Variants in RARS2 observed in about 807,000 individuals in gnomAD.
RARS2 encodes probable arginine--tRNA ligase, mitochondrial.
RARS2 carries 67 observed loss-of-function variants against 88.5 expected under a neutral mutation model. The observed-to-expected ratio is 0.76, with a 90% CI of 0.62 to 0.93. The LOEUF is 0.93. Ranked by LOEUF, RARS2 falls within the 40% of genes least tolerant of loss-of-function variation. The probability of loss-of-function intolerance (pLI) is 0.00; values close to 1 mark genes in which losing one functional copy is unlikely to be tolerated. For synonymous variants in RARS2, 239 were observed against 230.3 expected, an observed-to-expected ratio of 1.04 and a Z score of -0.34; for missense variants, 664 against 684.2, an observed-to-expected ratio of 0.97 and a Z score of 0.33.
intron 8 of RARS2, among the ~76,000 whole-genome samples, chr6:87,532,623 G>C (rs2128071614): frequency 6.6e-6 from 1 of 152,276 alleles, no homozygotes; most frequent in African/African-American, 2.4e-5. Flanking sequence ...GTTTCCTCTG[G>C]ACTTTACCCC....
At position 87,518,686 on chromosome 6, in the gene RARS2, G is replaced by C; in HGVS notation, c.1359C>G (p.Phe453Leu). Reference sequence around the variant, plus strand: ...AGACTCCTGTGTCCCCGCGACTCTGGAAAACACGATCCCAGCTGAACTTGT... The same window carrying C: ...AGACTCCTGTGTCCCCGCGACTCTGCAAAACACGATCCCAGCTGAACTTGT... ...SDYKFSWDRVFQSRGDTGVFL... is the reference protein window; with the variant it reads ...SDYKFSWDRVLQSRGDTGVFL... The change falls in exon 16 of 20, where the codon TTC becomes TTG. Residue 453 changes from phenylalanine to leucine, a missense_variant. Coordinates refer to ENST00000369536, the MANE Select transcript of RARS2 (RefSeq NM_020320.5). 6.2e-7 allele frequency: 1 copy of C among 1,614,044 alleles called. No homozygotes were observed. Among genetic ancestry groups the C allele is most frequent in the Non-Finnish European group, 8.5e-7 (1 of 1,179,972 alleles).
chr6:87,588,652 G>C (rs1036374672), intron 1 of RARS2, among the ~76,000 whole-genome samples: 4 of 152,314 alleles, frequency 2.6e-5, no homozygotes, highest in African/African-American at 9.6e-5. Context: ...TGGGATTATA[G>C]GCATGAACCA....
intron 19 of RARS2, 124 bp from the exon 20 acceptor site, chr6:87,514,623 G>T: frequency 1.2e-6 from 1 of 850,652 alleles, no homozygotes; most frequent in Non-Finnish European, 2.0e-6. Flanking sequence ...AAGTGCCCTA[G>T]AGTTACTATA....
At chr6:87,563,956 G>A (rs1729431224) in intron 3 of RARS2, among the ~76,000 whole-genome samples, 174 bp downstream of exon 3, 1 of 152,070 alleles carries the variant, frequency 6.6e-6, no homozygotes, top group Non-Finnish European at 1.5e-5. Flanking sequence ...TAACTAATCT[G>A]AAAAATCATT....
chr6:87,573,822 A>G (rs1367253054), intron 1 of RARS2, among the ~76,000 whole-genome samples: 1 of 152,220 alleles, frequency 6.6e-6, no homozygotes, highest in Non-Finnish European at 1.5e-5. Context: ...GTAAACAGGT[A>G]GGTAGGTTGG....
At chr6:87,587,639 TGTGGA>T (rs1775570482) in intron 1 of RARS2, among the ~76,000 whole-genome samples, 1 of 152,212 alleles carries the variant, frequency 6.6e-6, no homozygotes, top group Non-Finnish European at 1.5e-5. Context: ...ATTTAATCTC[TGTGGA>T]TCTCAACTGA....
At chr6:87,560,748 G>A (rs923321926) in intron 4 of RARS2, among the ~76,000 whole-genome samples, 3 of 152,160 alleles carry the variant, frequency 2.0e-5, no homozygotes, top group Non-Finnish European at 2.9e-5. Flanking sequence ...TTAGCTGGGC[G>A]CGGTGGTGCA....
intron 9 of RARS2, 87 bp downstream of exon 9, chr6:87,530,697 C>G: frequency 6.6e-7 from 1 of 1,523,972 alleles, no homozygotes; most frequent in South Asian, 1.1e-5. Context: ...TTTTAAAACA[C>G]AAGCTTAACA....
At chr6:87,530,547 T>C (rs1477995256) in intron 9 of RARS2, among the ~76,000 whole-genome samples, 1 of 151,968 alleles carries the variant, frequency 6.6e-6, no homozygotes, top group Non-Finnish European at 1.5e-5. Context: ...TATGAAAAAG[T>C]GAAGGAATGC....
intron 1 of RARS2, among the ~76,000 whole-genome samples, chr6:87,574,345 T>C (rs1324961133): frequency 6.6e-6 from 1 of 152,162 alleles, no homozygotes; most frequent in African/African-American, 2.4e-5. Context: ...CAGGTCACCA[T>C]GACCTACTAG....
At chr6:87,516,189 T>TCA (rs1332753838) in intron 18 of RARS2, among the ~76,000 whole-genome samples, 1 of 152,210 alleles carries the variant, frequency 6.6e-6, no homozygotes, top group East Asian at 1.9e-4. Flanking sequence ...AAGGGTGGAC[T>TCA]CAATTTTGAT....
Position 87,545,609 on chromosome 6 carries a change from T to C in RARS2, c.535+7A>G. On this transcript the variant is annotated splice_region_variant and intron_variant, in intron 7 of 19. Transcript: ENST00000369536. ...GAAATGAAAAATAAAATCTCAAGTG[T>C]ACTTACCAAACTGCATGCCCCAATC... is the stretch of plus-strand genomic sequence containing the variant. 1 of 1,613,688 alleles carries C rather than the reference T, an allele frequency of 6.2e-7. No homozygotes were observed. Among genetic ancestry groups the C allele is most frequent in the Non-Finnish European group, 8.5e-7 (1 of 1,179,820 alleles).
At chr6:87,544,681 T>G (rs1463659749) in intron 7 of RARS2, among the ~76,000 whole-genome samples, 2 of 152,212 alleles carry the variant, frequency 1.3e-5, no homozygotes. Flanking sequence ...TACCTTGCCC[T>G]CTCACACCTT....
intron 8 of RARS2, among the ~76,000 whole-genome samples, chr6:87,533,462 C>G (rs144272504): frequency 2.6e-5 from 4 of 152,184 alleles, no homozygotes; most frequent in South Asian, 4.1e-4. Flanking sequence ...TTGGAAAGTA[C>G]GCATTTTGAA....
intron 1 of RARS2, among the ~76,000 whole-genome samples, chr6:87,571,147 G>A (rs959109535): frequency 6.9e-5 from 10 of 144,272 alleles, no homozygotes; most frequent in Non-Finnish European, 1.1e-4. Flanking sequence ...GGGACCAGGT[G>A]GGGATAACTG....
At chr6:87,546,227 T>C (rs1026040556) in intron 6 of RARS2, among the ~76,000 whole-genome samples, 3 of 152,182 alleles carry the variant, frequency 2.0e-5, no homozygotes, top group Non-Finnish European at 4.4e-5. Context: ...ACACTCAACA[T>C]CTATTCTGCT....
chr6:87,575,225 G>GCACACACACACACACACACACACA (rs58168335), intron 1 of RARS2, among the ~76,000 whole-genome samples: 3 of 114,562 alleles, frequency 2.6e-5, no homozygotes, highest in Non-Finnish European at 5.4e-5. Flanking sequence ...AAAATAGAAA[G>GCACACACACACACACACACACACA]CACACACACA....
intron 5 of RARS2, among the ~76,000 whole-genome samples, chr6:87,553,630 T>C (rs564932586): frequency 2.0e-4 from 30 of 152,192 alleles, no homozygotes; most frequent in Non-Finnish European, 4.1e-4. Context: ...ATGTTGCCTA[T>C]GGGCTTAGGT....
chr6:87,519,677 C>T lies in RARS2; in HGVS notation c.1143G>A (p.Gln381=), dbSNP rs1413332252. The part of the protein sequence containing the change: ...RCQHVPFGVV[Q]GMKTRRGDVT... ...CATCTCCTCTTCGAGTCTTCATTCC[C>T]TGTACTACTCCAAAGGGCACGTGCT... Residue 381 remains glutamine, a synonymous_variant, in exon 14 of 20, where the codon CAG becomes CAA. Coordinates refer to ENST00000369536, the MANE Select transcript of RARS2 (RefSeq NM_020320.5). 1 of 1,613,842 alleles carries T rather than the reference C, an allele frequency of 6.2e-7. No individual in the cohort carries two copies.
Sources: allele counts gnomAD v4.1 joint callset (sites outside exome capture counted in the v4.1 genomes callset), GRCh38; gene constraint gnomAD v4.1.1; transcripts MANE v1.5; gene names NCBI Gene and HGNC (gene_info 2026-07-23, HGNC 2026-07-21).